The following ZNF804B variants were observed in gnomAD, a reference collection of about 807,000 sequenced individuals.
ZNF804B encodes zinc finger protein 804B, also known as zinc finger 804B.
In ZNF804B, 80 loss-of-function variants were observed where a neutral mutation model predicts 101.4. That is an observed-to-expected ratio of 0.79 (90% CI 0.66 to 0.95). The LOEUF (loss-of-function observed/expected upper bound fraction) is 0.95. ZNF804B is among the 40% of genes least tolerant of loss of function. ZNF804B has a pLI of 0.00. For missense variants in ZNF804B, 1,673 were observed against 1,561.9 expected (o/e 1.07, Z -1.20); for synonymous variants, 622 against 558.8 (o/e 1.11, Z -1.59).
chr7:88,904,184 C>T (rs996676949), intron 1 of ZNF804B, among the ~76,000 whole-genome samples: 4 of 152,096 alleles, frequency 2.6e-5, no homozygotes, highest in Admixed American at 1.3e-4. Context: ...AGTCAGGTAT[C>T]CCAACAACAT....
At chr7:88,978,505 T>C (rs1371658848) in intron 1 of ZNF804B, among the ~76,000 whole-genome samples, 2 of 151,826 alleles carry the variant, frequency 1.3e-5, no homozygotes, top group African/African-American at 4.8e-5. Context: ...TGAAATCTAT[T>C]TTTTTCTAAT....
intron 1 of ZNF804B, among the ~76,000 whole-genome samples, chr7:89,203,241 A>G (rs571582357): frequency 6.6e-6 from 1 of 152,282 alleles, no homozygotes; most frequent in African/African-American, 2.4e-5. Flanking sequence ...CATTGGCCCC[A>G]GTTTCCAGAT....
At chr7:89,194,115 T>C (rs1435621721) in intron 1 of ZNF804B, among the ~76,000 whole-genome samples, 1 of 151,894 alleles carries the variant, frequency 6.6e-6, no homozygotes, top group Admixed American at 6.6e-5. Flanking sequence ...TGTCTTCTTT[T>C]CAGAAGTGTC....
intron 1 of ZNF804B, among the ~76,000 whole-genome samples, chr7:89,005,155 C>T (rs528061521): frequency 6.6e-6 from 1 of 152,046 alleles, no homozygotes; most frequent in African/African-American, 2.4e-5. Context: ...TGTTCCAAAG[C>T]TAAACATTTA....
rs1246199993 is a variant in ZNF804B at position 89,334,667 on chromosome 7, A to G, written c.1685A>G (p.Asn562Ser). ...YNLDYSDSEPNKSEYTFSAND... is the reference protein window; with the variant it reads ...YNLDYSDSEPSKSEYTFSAND... ...TTGGACTACAGTGATTCTGAGCCAA[A>G]TAAGAGTGAATATACTTTCAGTGCA... The change falls in exon 4 of 4, where the codon AAT (asparagine) becomes AGT (serine). Residue 562 changes from asparagine (N) to serine (S), a missense_variant. Transcript: ENST00000333190. The G allele has an allele frequency of 1.9e-6, 3 of 1,613,592 alleles. No homozygotes were observed. Among genetic ancestry groups the G allele is most frequent in the Non-Finnish European group, 2.5e-6 (3 of 1,179,820 alleles).
chr7:89,122,082 A>G (rs925422083), intron 1 of ZNF804B, among the ~76,000 whole-genome samples: 10 of 151,742 alleles, frequency 6.6e-5, no homozygotes, highest in Non-Finnish European at 1.0e-4. Flanking sequence ...TATATATATT[A>G]AACTACTTAT....
chr7:88,849,912 A>G (rs1186996121), intron 1 of ZNF804B, among the ~76,000 whole-genome samples: 1 of 152,034 alleles, frequency 6.6e-6, no homozygotes, highest in Non-Finnish European at 1.5e-5. Flanking sequence ...ATTCAGGCCT[A>G]GAGAAAAAAA....
intron 1 of ZNF804B, among the ~76,000 whole-genome samples, chr7:88,977,243 A>G (rs1434419212): frequency 2.0e-5 from 3 of 150,512 alleles, no homozygotes; most frequent in Non-Finnish European, 4.4e-5. Flanking sequence ...TATCAGGGTA[A>G]TACTGGCCTT....
Position 89,336,828 on chromosome 7 carries a change from A to G in ZNF804B, c.3846A>G (p.Thr1282=). 3.1e-6 allele frequency: 5 copies of G among 1,613,720 alleles called. No individual in the cohort carries two copies. The highest frequency in any genetic ancestry group is 4.2e-6 in the Non-Finnish European group (5 of 1,179,912). ...AATPFHPSHI[T]LQPLPPTAFI... ...CCCCCTTCCACCCATCTCACATAACACTTCAGCCTCTGCCCCCTACAGCAT... is the reference window on the plus strand; with the variant it reads ...CCCCCTTCCACCCATCTCACATAACGCTTCAGCCTCTGCCCCCTACAGCAT... Residue 1282 remains threonine, a synonymous_variant, in exon 4 of 4, where the codon ACA becomes ACG. Coordinates refer to ENST00000333190, the MANE Select transcript of ZNF804B (RefSeq NM_181646.5).
chr7:88,855,009 G>A (rs979440276), intron 1 of ZNF804B, among the ~76,000 whole-genome samples: 1 of 151,920 alleles, frequency 6.6e-6, no homozygotes, highest in African/African-American at 2.4e-5. Flanking sequence ...TATCATGGTT[G>A]GACATTTGGG....
intron 1 of ZNF804B, among the ~76,000 whole-genome samples, chr7:89,078,645 T>TG (rs1165548725): frequency 1.3e-5 from 2 of 151,856 alleles, no homozygotes; most frequent in Admixed American, 6.6e-5. Flanking sequence ...ACACGATTTT[T>TG]TTTTTTTTTT....
At chr7:88,964,025 A>G (rs1237801604) in intron 1 of ZNF804B, among the ~76,000 whole-genome samples, 1 of 151,362 alleles carries the variant, frequency 6.6e-6, no homozygotes, top group Non-Finnish European at 1.5e-5. Context: ...AGAAAACTGA[A>G]TATAACAAGT....
At chr7:88,972,504 T>C (rs907378921) in intron 1 of ZNF804B, among the ~76,000 whole-genome samples, 5 of 151,400 alleles carry the variant, frequency 3.3e-5, no homozygotes, top group Non-Finnish European at 5.9e-5. Context: ...GTACCTAGCA[T>C]AGCCTATGTA....
chr7:88,910,703 A>G (rs1026071420), intron 1 of ZNF804B, among the ~76,000 whole-genome samples: 5 of 151,898 alleles, frequency 3.3e-5, no homozygotes, highest in African/African-American at 9.7e-5. Flanking sequence ...TCTCTACCTT[A>G]AGCAGACTGT....
intron 1 of ZNF804B, among the ~76,000 whole-genome samples, chr7:89,077,640 A>C (rs1329496877): frequency 6.6e-6 from 1 of 152,194 alleles, no homozygotes. Flanking sequence ...ATTTGAAAAT[A>C]TGATTTCAAA....
chr7:89,250,526 G>C (rs1305963049), intron 2 of ZNF804B, among the ~76,000 whole-genome samples: 1 of 152,120 alleles, frequency 6.6e-6, no homozygotes, highest in African/African-American at 2.4e-5. Context: ...ATAAGAGCTG[G>C]TACTAATCTT....
chr7:89,271,715 G>A, intron 2 of ZNF804B, among the ~76,000 whole-genome samples: 1 of 152,030 alleles, frequency 6.6e-6, no homozygotes, highest in Non-Finnish European at 1.5e-5. Context: ...TTTTTTGGTT[G>A]ATAAGCTATT....
At chr7:89,332,344 A>T (rs1790998130) in intron 3 of ZNF804B, among the ~76,000 whole-genome samples, 1 of 151,876 alleles carries the variant, frequency 6.6e-6, no homozygotes. Context: ...TATGGAAGAG[A>T]TACCAGTTGG....
intron 1 of ZNF804B, among the ~76,000 whole-genome samples, chr7:89,208,463 C>T (rs573987476): frequency 7.8e-4 from 119 of 152,316 alleles, no homozygotes; most frequent in African/African-American, 2.2e-3. Flanking sequence ...TGTATCTGAT[C>T]ATTAAGAAAT....
Sources: gnomAD v4.1 joint callset for allele counts (sites outside exome capture counted in the v4.1 genomes callset) on GRCh38, gnomAD v4.1.1 for gene constraint, MANE v1.5 for transcripts, NCBI Gene and HGNC (gene_info 2026-07-23, HGNC 2026-07-21) for gene names.